Variants in PHF21A observed in about 807,000 individuals in gnomAD.
PHF21A encodes BHC80a.
A neutral mutation model predicts 82.5 loss-of-function variants in PHF21A; 11 were observed. The observed-to-expected ratio is 0.13, with a 90% CI of 0.08 to 0.22. The LOEUF is 0.22. Among genes scored for constraint, PHF21A ranks in the 10% least tolerant of loss-of-function variants. PHF21A has a pLI of 1.00. For synonymous variants in PHF21A, 297 were observed against 302.8 expected, an observed-to-expected ratio of 0.98 and a Z score of 0.20; for missense variants, 579 against 837.8, an observed-to-expected ratio of 0.69 and a Z score of 3.81.
Position 45,989,490 on chromosome 11 carries a change from T to TAAAA in PHF21A, c.154-9528_154-9525dup, listed in dbSNP as rs57370032. The stretch of plus-strand genomic sequence containing the variant: ...TAACACGGTGAAACCCCATCTCTAC[T>TAAAA]AAAAAAAAAAAAAAAAAAAATACAA... On this transcript the variant is annotated intron_variant, in intron 6 of 18. Transcript: ENST00000676320. Among the ~76,000 whole-genome samples, 193 of 100,894 alleles carry TAAAA rather than the reference T, an allele frequency of 1.9e-3. 4 individuals carry two copies. The highest frequency in any genetic ancestry group is 3.5e-3 in the African/African-American group (88 of 24,840). The allele number at this position is 100,894 out of a possible 152,430, so 66.2% of individuals were successfully genotyped here. A position where few individuals can be genotyped will look rare whatever the true frequency, so the allele number is the denominator to read the frequency against.
Position 45,953,098 on chromosome 11 carries a change from C to T in PHF21A, c.1095+429G>A, listed in dbSNP as rs528978600. The stretch of plus-strand genomic sequence containing the variant: ...TGTAATACAATGGTTGTAACAAAAA[C>T]GCACACTTAACAACTGCAATTGATA... On this transcript the variant is annotated intron_variant, in intron 11 of 18. Coordinates refer to ENST00000676320, the MANE Select transcript of PHF21A (RefSeq NM_001352027.3). 7.9e-5 allele frequency among the ~76,000 whole-genome samples: 12 copies of T among 152,242 alleles called. No individual in the cohort carries two copies. In the East Asian group the frequency reaches 9.6e-4, roughly 12 times the overall value.
intron 6 of PHF21A, among the ~76,000 whole-genome samples, chr11:45,992,917 C>G (rs1591704389): frequency 6.6e-6 from 1 of 152,226 alleles, no homozygotes; most frequent in Non-Finnish European, 1.5e-5. Context: ...TCCTCTACCA[C>G]TGAACCGCAG....
chr11:46,012,580 T>G (rs1397212836), intron 6 of PHF21A, among the ~76,000 whole-genome samples: 3 of 152,186 alleles, frequency 2.0e-5, no homozygotes, highest in Admixed American at 6.5e-5. Context: ...GAGATAAAAG[T>G]AGCTACCTCA....
intron 9 of PHF21A, among the ~76,000 whole-genome samples, chr11:45,966,899 G>T (rs562101166): frequency 6.6e-5 from 10 of 151,378 alleles, no homozygotes; most frequent in Middle Eastern, 3.4e-3. Context: ...TTACAGATGT[G>T]AGCCACTGCA....
Position 45,947,567 on chromosome 11 carries a change from CTT to C in PHF21A, c.1288+1317_1288+1318del, listed in dbSNP as rs534751504. Among the ~76,000 whole-genome samples the C allele has an allele frequency of 2.5e-3, 379 of 152,256 alleles. 4 individuals carry two copies. Among genetic ancestry groups the C allele is most frequent in the Non-Finnish European group, 4.3e-3 (291 of 68,008 alleles). ...AGGGGAAGAACAAGATGAATGCTCT[CTT>C]GTTTACCCACAAAAGGCATATCCTA... On this transcript the variant is annotated intron_variant, in intron 14 of 18. Transcript: ENST00000676320.
At chr11:45,939,590 T>TA (rs1290909016) in intron 15 of PHF21A, among the ~76,000 whole-genome samples, 1 of 152,044 alleles carries the variant, frequency 6.6e-6, no homozygotes, top group East Asian at 1.9e-4. Context: ...TTTATCCCTA[T>TA]AAAAACTTCA....
At chr11:46,006,701 T>C (rs2095304428) in intron 6 of PHF21A, among the ~76,000 whole-genome samples, 3 of 152,238 alleles carry the variant, frequency 2.0e-5, no homozygotes, top group Admixed American at 2.0e-4. Context: ...AAATGTCTTA[T>C]TTAAAAAGAT....
intron 18 of PHF21A, 94 bp from the exon 19 acceptor site, chr11:45,934,319 GAGA>G (rs1451678353): frequency 7.9e-7 from 1 of 1,273,062 alleles, no homozygotes; most frequent in South Asian, 1.4e-5. Context: ...TCTGCCCAGG[GAGA>G]AGAAGCTCTG....
intron 1 of PHF21A, chr11:46,117,231 T>C (rs931214335): frequency 1.4e-4 from 22 of 152,206 alleles, no homozygotes; most frequent in African/African-American, 4.8e-4. Context: ...TATCAAACTT[T>C]CTAGCATCCC....
At chr11:46,111,208 C>T (rs1593383516) in intron 1 of PHF21A, among the ~76,000 whole-genome samples, 1 of 151,792 alleles carries the variant, frequency 6.6e-6, no homozygotes, top group Non-Finnish European at 1.5e-5. Context: ...GTGGCTCACG[C>T]CTGTAATCCC....
At chr11:45,981,392 C>CAAAA (rs59866051) in intron 6 of PHF21A, among the ~76,000 whole-genome samples, 20 of 60,292 alleles carry the variant, frequency 3.3e-4, no homozygotes, top group African/African-American at 1.2e-3. Flanking sequence ...AACCCTGTCT[C>CAAAA]AAAAAAAAAA....
intron 7 of PHF21A, among the ~76,000 whole-genome samples, chr11:45,974,939 A>C (rs1003871842): frequency 2.0e-5 from 3 of 152,218 alleles, no homozygotes; most frequent in Admixed American, 6.5e-5. Flanking sequence ...AATACTGCCA[A>C]TAGCAAAATC....
chr11:45,937,660 T>C (rs1451761301), intron 16 of PHF21A, among the ~76,000 whole-genome samples: 1 of 152,142 alleles, frequency 6.6e-6, no homozygotes, highest in Non-Finnish European at 1.5e-5. Flanking sequence ...TTTATATTTT[T>C]AGTAGAGATG....
At chr11:46,090,883 T>C (rs2096916460) in intron 2 of PHF21A, among the ~76,000 whole-genome samples, 1 of 152,118 alleles carries the variant, frequency 6.6e-6, no homozygotes, top group Non-Finnish European at 1.5e-5. Context: ...ATTTATATCC[T>C]ACTGCTCAAG....
chr11:46,090,719 A>T (rs984442064), intron 2 of PHF21A, 153 bp from the exon 3 acceptor site: 1 of 151,020 alleles, frequency 6.6e-6, no homozygotes, highest in African/African-American at 2.4e-5. Context: ...AATGAGCTAC[A>T]TTTTTTTTAA....
At chr11:46,097,651 C>T (rs1306378782) in intron 1 of PHF21A, among the ~76,000 whole-genome samples, 6 of 152,176 alleles carry the variant, frequency 3.9e-5, no homozygotes, top group Admixed American at 3.9e-4. Flanking sequence ...CACCCACACA[C>T]TAGGGTCCAG....
At chr11:45,959,504 T>C (rs1016501631) in intron 10 of PHF21A, among the ~76,000 whole-genome samples, 1 of 152,198 alleles carries the variant, frequency 6.6e-6, no homozygotes, top group African/African-American at 2.4e-5. Flanking sequence ...AATGTTTGCT[T>C]TCACCATTGC....
intron 10 of PHF21A, among the ~76,000 whole-genome samples, chr11:45,960,582 GGTAAT>G (rs1463915435): frequency 1.3e-5 from 2 of 152,176 alleles, no homozygotes; most frequent in Admixed American, 1.3e-4. Context: ...TTTATTTTGG[GGTAAT>G]GAAAATGTTG....
intron 6 of PHF21A, among the ~76,000 whole-genome samples, chr11:46,062,392 C>T (rs1338435159): frequency 1.3e-5 from 2 of 152,084 alleles, no homozygotes; most frequent in African/African-American, 4.8e-5. Flanking sequence ...TACTGTCTAT[C>T]CCCCTTTGTC....
Sources: allele counts gnomAD v4.1 joint callset (sites outside exome capture counted in the v4.1 genomes callset), GRCh38; gene constraint gnomAD v4.1.1; transcripts MANE v1.5; gene names NCBI Gene and HGNC (gene_info 2026-07-23, HGNC 2026-07-21).